ATP10B: variants seen among roughly 807,000 people sequenced by gnomAD.
ATP10B encodes the protein phospholipid-transporting ATPase VB.
Under a neutral mutation model 141.2 loss-of-function variants are expected in ATP10B, and 122 were observed. That is an observed-to-expected ratio of 0.86 (90% CI 0.75 to 1.00). The LOEUF (loss-of-function observed/expected upper bound fraction) is 1.00. Ranked by LOEUF, ATP10B falls within the 50% of genes least tolerant of loss-of-function variation. ATP10B has a pLI of 0.00. For missense variants in ATP10B, 1,876 were observed against 1,825.3 expected (o/e 1.03, Z -0.51); for synonymous variants, 685 against 692.0 (o/e 0.99, Z 0.16).
chr5:160,828,676 A>G (rs1581614204), intron 1 of ATP10B, among the ~76,000 whole-genome samples: 1 of 151,890 alleles, frequency 6.6e-6, no homozygotes, highest in Admixed American at 6.6e-5. Context: ...AGAACTAGAA[A>G]TACCATTTGA....
chr5:160,594,554 T>C (rs1756544865), intron 22 of ATP10B, among the ~76,000 whole-genome samples: 1 of 151,932 alleles, frequency 6.6e-6, no homozygotes, highest in Non-Finnish European at 1.5e-5. Flanking sequence ...ACTTTAAATG[T>C]AAATGGACTA....
chr5:160,885,366 A>C, the ATP10B span, among the ~76,000 whole-genome samples: 44 of 152,100 alleles, frequency 2.9e-4, no homozygotes, highest in African/African-American at 9.7e-4. Context: ...AGAAAACTAG[A>C]GAAAAAGTGG....
intron 2 of ATP10B, among the ~76,000 whole-genome samples, chr5:160,756,136 T>A (rs1314072967): frequency 1.5e-5 from 2 of 130,426 alleles, no homozygotes; most frequent in Non-Finnish European, 1.6e-5. Context: ...ATAAATTATT[T>A]GCATTATGTA....
At chr5:160,915,356 G>T in the ATP10B span, among the ~76,000 whole-genome samples, 23 of 151,388 alleles carry the variant, frequency 1.5e-4, no homozygotes, top group Admixed American at 1.5e-3. Flanking sequence ...TTTTGAGATG[G>T]AGTCTCACTC....
the ATP10B span, among the ~76,000 whole-genome samples, chr5:160,912,050 TAGAGAG>T: frequency 6.6e-6 from 1 of 151,686 alleles, no homozygotes; most frequent in Non-Finnish European, 1.5e-5. Context: ...TGCACTCCAG[TAGAGAG>T]AGAGAGATTA....
chr5:160,851,772 T>A (rs1314550528), intron 1 of ATP10B, among the ~76,000 whole-genome samples, 169 bp downstream of exon 1: 4 of 152,180 alleles, frequency 2.6e-5, no homozygotes, highest in Non-Finnish European at 4.4e-5. Flanking sequence ...TAAAACATTC[T>A]GTTAGAAAAG....
chr5:160,918,847 T>TG, the ATP10B span, among the ~76,000 whole-genome samples: 1 of 152,088 alleles, frequency 6.6e-6, no homozygotes, highest in African/African-American at 2.4e-5. Flanking sequence ...AGGCACAACT[T>TG]AAGTGAAAGC....
intron 3 of ATP10B, among the ~76,000 whole-genome samples, chr5:160,703,483 T>C (rs1188712537): frequency 3.3e-4 from 1 of 2,996 alleles, no homozygotes; most frequent in Non-Finnish European, 7.4e-4. Flanking sequence ...TGATATTTGT[T>C]TTTTTTTTTT....
chr5:160,803,291 C>T (rs1182724514), intron 1 of ATP10B, among the ~76,000 whole-genome samples: 1 of 152,196 alleles, frequency 6.6e-6, no homozygotes, highest in African/African-American at 2.4e-5. Flanking sequence ...TGAAGATTAT[C>T]ACGTACCAGG....
the ATP10B span, among the ~76,000 whole-genome samples, chr5:160,903,289 A>T: frequency 6.6e-6 from 1 of 152,168 alleles, no homozygotes. Context: ...AGCCTCTCCC[A>T]GTTCTCGATG....
At position 160,565,703 on chromosome 5, in the gene ATP10B, G is replaced by A. The variant is rs1754492311; in HGVS notation, c.4136C>T (p.Ala1379Val). ...VSSITGQDFS[A>V]STPKSSNPPK... ...AGGGTTAGAGCTCTTTGGGGTGCTG[G>A]CACTGAAGTCCTGTCCTGTGATAGA... The change falls in exon 26 of 26, where the codon GCC becomes GTC. Residue 1379 changes from alanine (A) to valine (V), a missense_variant. Coordinates refer to ENST00000327245, the MANE Select transcript of ATP10B (RefSeq NM_025153.3). The A allele has an allele frequency of 3.1e-6, 5 of 1,614,060 alleles. No homozygotes were observed. Among genetic ancestry groups the A allele is most frequent in the Non-Finnish European group, 4.2e-6 (5 of 1,179,984 alleles).
chr5:160,650,179 T>TATATATGTACATAC (rs900107602), intron 7 of ATP10B, among the ~76,000 whole-genome samples: 1 of 150,870 alleles, frequency 6.6e-6, no homozygotes, highest in Non-Finnish European at 1.5e-5. Flanking sequence ...TACATACATA[T>TATATATGTACATAC]ATATATACAT....
intron 2 of ATP10B, among the ~76,000 whole-genome samples, chr5:160,764,558 A>G (rs923251050): frequency 6.6e-6 from 1 of 152,132 alleles, no homozygotes; most frequent in African/African-American, 2.4e-5. Flanking sequence ...TAGAAGGGAC[A>G]TACCTTAAGG....
chr5:160,706,284 A>C (rs965527287), intron 3 of ATP10B, among the ~76,000 whole-genome samples: 1 of 152,220 alleles, frequency 6.6e-6, no homozygotes, highest in Non-Finnish European at 1.5e-5. Context: ...TGCTTGATGC[A>C]GGGTTGCTGC....
At chr5:160,763,820 C>T (rs1218981099) in intron 2 of ATP10B, among the ~76,000 whole-genome samples, 1 of 151,640 alleles carries the variant, frequency 6.6e-6, no homozygotes, top group Non-Finnish European at 1.5e-5. Context: ...GGAATTTAAC[C>T]AAAAAAAGAA....
At chr5:160,770,551 A>C (rs575395514) in intron 2 of ATP10B, among the ~76,000 whole-genome samples, 14 of 152,206 alleles carry the variant, frequency 9.2e-5, no homozygotes, top group Non-Finnish European at 2.1e-4. Flanking sequence ...CAATTTATTT[A>C]TTCAGGAACC....
intron 1 of ATP10B, among the ~76,000 whole-genome samples, chr5:160,812,369 G>T (rs1302716351): frequency 1.3e-5 from 2 of 152,126 alleles, no homozygotes; most frequent in East Asian, 3.9e-4. Context: ...GAAGACTCAG[G>T]ACTATACTGG....
At chr5:160,612,538 A>C in intron 18 of ATP10B, 1 of 432,144 alleles carries the variant, frequency 2.3e-6, no homozygotes. Flanking sequence ...AAAAGAGACC[A>C]GCTAGCCATG....
chr5:160,844,307 T>C (rs1775987337), intron 1 of ATP10B, among the ~76,000 whole-genome samples: 1 of 152,116 alleles, frequency 6.6e-6, no homozygotes, highest in African/African-American at 2.4e-5. Context: ...CAAATTTCCA[T>C]CAAGAGTAGA....
Sources: allele counts gnomAD v4.1 joint callset (sites outside exome capture counted in the v4.1 genomes callset), GRCh38; gene constraint gnomAD v4.1.1; transcripts MANE v1.5; gene names NCBI Gene and HGNC (gene_info 2026-07-23, HGNC 2026-07-21).